The following KCND2 variants were observed in gnomAD, a reference collection of about 807,000 sequenced individuals.
The protein encoded by KCND2 is potassium voltage-gated channel subfamily D member 2.
Under a neutral mutation model 54.4 loss-of-function variants are expected in KCND2, and 16 were observed. The observed-to-expected ratio is 0.29, with a 90% confidence interval of 0.20 to 0.45. KCND2 has a LOEUF of 0.45. Ranked by LOEUF, KCND2 falls within the 20% of genes least tolerant of loss-of-function variation. The pLI is 1.00. For missense variants in KCND2, 486 were observed against 824.2 expected, an observed-to-expected ratio of 0.59 and a Z score of 5.02; for synonymous variants, 317 against 310.7, an observed-to-expected ratio of 1.02 and a Z score of -0.21.
chr7:120,494,135 T>A (rs1433220062), intron 1 of KCND2, among the ~76,000 whole-genome samples: 1 of 152,064 alleles, frequency 6.6e-6, no homozygotes, highest in African/African-American at 2.4e-5. Context: ...AGCAATAAAA[T>A]AATAAGTAAA....
chr7:120,323,380 G>A (rs1468320435), intron 1 of KCND2, among the ~76,000 whole-genome samples: 1 of 152,072 alleles, frequency 6.6e-6, no homozygotes, highest in African/African-American at 2.4e-5. Flanking sequence ...CATGTGCCAA[G>A]CTGGTGTGCT....
intron 1 of KCND2, among the ~76,000 whole-genome samples, chr7:120,445,761 T>G (rs1210675660): frequency 6.6e-6 from 1 of 152,168 alleles, no homozygotes; most frequent in East Asian, 1.9e-4. Flanking sequence ...ATTATTATTT[T>G]TATTATATAT....
chr7:120,642,307 T>A (rs915032457), intron 1 of KCND2, among the ~76,000 whole-genome samples: 3 of 151,382 alleles, frequency 2.0e-5, no homozygotes, highest in Non-Finnish European at 4.4e-5. Context: ...TCCAGCACTT[T>A]GGGAGGCCAA....
chr7:120,328,439 G>T (rs997796645), intron 1 of KCND2, among the ~76,000 whole-genome samples: 1 of 152,086 alleles, frequency 6.6e-6, no homozygotes, highest in African/African-American at 2.4e-5. Flanking sequence ...CAGAGTTAAA[G>T]TAACTTTCCA....
At chr7:120,430,282 CT>C (rs745318392) in intron 1 of KCND2, among the ~76,000 whole-genome samples, 28 of 152,088 alleles carry the variant, frequency 1.8e-4, no homozygotes, top group Middle Eastern at 3.4e-3. Flanking sequence ...GTCTCTCCTT[CT>C]TCTTATAAGG....
intron 1 of KCND2, among the ~76,000 whole-genome samples, chr7:120,408,923 T>A (rs1801406309): frequency 6.6e-6 from 1 of 151,756 alleles, no homozygotes; most frequent in African/African-American, 2.4e-5. Context: ...AAAAATACCT[T>A]AAGGAGAAAA....
rs560735877 is a variant in KCND2 at position 120,577,006 on chromosome 7, G to A, written c.1116-155897G>A. On this transcript the variant is annotated intron_variant, in intron 1 of 5. Transcript: ENST00000331113. ...TACTAAAATACAAAAAATTTGCTAG[G>A]TGTGGCAGCGTGCACCTGTAGTCCC... is the stretch of plus-strand genomic sequence containing the variant. 2.0e-5 allele frequency among the ~76,000 whole-genome samples: 3 copies of A among 152,170 alleles called. No individual in the cohort carries two copies. The South Asian group carries it at 6.2e-4, about 32-fold the overall frequency.
At chr7:120,515,018 A>T (rs1405630456) in intron 1 of KCND2, among the ~76,000 whole-genome samples, 1 of 150,606 alleles carries the variant, frequency 6.6e-6, no homozygotes, top group Admixed American at 6.7e-5. Context: ...GCATTTTTTA[A>T]ACTTTTTCTT....
chr7:120,421,580 A>T (rs1563040894), intron 1 of KCND2, among the ~76,000 whole-genome samples: 1 of 152,220 alleles, frequency 6.6e-6, no homozygotes. Context: ...GATGACACCT[A>T]AGCATCTGCA....
intron 1 of KCND2, among the ~76,000 whole-genome samples, chr7:120,307,725 C>T (rs376169024): frequency 3.9e-5 from 6 of 152,050 alleles, no homozygotes; most frequent in African/African-American, 7.2e-5. Context: ...AACATATCAA[C>T]GTGTAAAATT....
intron 1 of KCND2, among the ~76,000 whole-genome samples, chr7:120,357,473 G>T (rs1167650282): frequency 6.6e-6 from 1 of 151,850 alleles, no homozygotes; most frequent in Non-Finnish European, 1.5e-5. Flanking sequence ...GAATTTATTT[G>T]TTTATTTATG....
chr7:120,394,307 A>G (rs1305551566), intron 1 of KCND2, among the ~76,000 whole-genome samples: 4 of 151,900 alleles, frequency 2.6e-5, no homozygotes, highest in African/African-American at 9.7e-5. Context: ...AGGGGTGTGG[A>G]AAAGGGTCTG....
intron 1 of KCND2, among the ~76,000 whole-genome samples, chr7:120,522,136 T>G (rs1032445564): frequency 9.2e-5 from 14 of 152,198 alleles, no homozygotes; most frequent in Non-Finnish European, 1.8e-4. Context: ...TCTCCACCAC[T>G]CTTCCTAATC....
At chr7:120,601,196 C>A (rs1037828646) in intron 1 of KCND2, among the ~76,000 whole-genome samples, 1 of 151,978 alleles carries the variant, frequency 6.6e-6, no homozygotes, top group Non-Finnish European at 1.5e-5. Flanking sequence ...ATAAGAGTTA[C>A]CATATTGTAA....
At chr7:120,471,559 G>A (rs531892959) in intron 1 of KCND2, among the ~76,000 whole-genome samples, 1 of 152,160 alleles carries the variant, frequency 6.6e-6, no homozygotes, top group East Asian at 1.9e-4. Context: ...CTAATAATGA[G>A]TGGACAGAAA....
At chr7:120,584,546 C>T in intron 1 of KCND2, among the ~76,000 whole-genome samples, 1 of 152,238 alleles carries the variant, frequency 6.6e-6, no homozygotes, top group East Asian at 1.9e-4. Flanking sequence ...GAAACAGGTA[C>T]ATGGGGAGCA....
At chr7:120,381,187 G>A (rs113411605) in intron 1 of KCND2, among the ~76,000 whole-genome samples, 18 of 152,136 alleles carry the variant, frequency 1.2e-4, no homozygotes, top group African/African-American at 3.9e-4. Flanking sequence ...CCCAGGAGGT[G>A]GAGGTTGCAG....
intron 1 of KCND2, among the ~76,000 whole-genome samples, chr7:120,489,309 A>G (rs567546071): frequency 1.2e-4 from 18 of 152,196 alleles, no homozygotes; most frequent in South Asian, 8.3e-4. Context: ...GTCATATACA[A>G]TGTATTAATA....
chr7:120,452,191 T>C (rs1406331556), intron 1 of KCND2, among the ~76,000 whole-genome samples: 2 of 152,210 alleles, frequency 1.3e-5, no homozygotes. Flanking sequence ...GCACAGGCTT[T>C]GGTATCAAGT....
Sources: gnomAD v4.1 joint callset for allele counts (sites outside exome capture counted in the v4.1 genomes callset) on GRCh38, gnomAD v4.1.1 for gene constraint, MANE v1.5 for transcripts, NCBI Gene and HGNC (gene_info 2026-07-23, HGNC 2026-07-21) for gene names.